Variants in DNAAF11 observed in about 807,000 individuals in gnomAD.
DNAAF11 encodes dynein axonemal assembly factor 11.
A neutral mutation model predicts 60.8 loss-of-function variants in DNAAF11; 45 were observed. The observed-to-expected ratio is 0.74, with a 90% confidence interval of 0.58 to 0.95. The LOEUF is 0.95. Ranked by LOEUF, DNAAF11 falls within the 40% of genes least tolerant of loss-of-function variation. The pLI, the probability that DNAAF11 is intolerant of heterozygous loss-of-function variation, is 0.00. For missense variants in DNAAF11, 546 were observed against 546.2 expected (o/e 1.00, Z 0.00); for synonymous variants, 191 against 183.5 (o/e 1.04, Z -0.33).
intron 4 of DNAAF11, among the ~76,000 whole-genome samples, chr8:132,636,077 T>A (rs1404529377): frequency 1.3e-5 from 2 of 151,900 alleles, no homozygotes; most frequent in Non-Finnish European, 2.9e-5. Flanking sequence ...TAGTTTGCAG[T>A]ACTTTGTTAC....
intron 5 of DNAAF11, among the ~76,000 whole-genome samples, chr8:132,626,600 C>A (rs1425261952): frequency 6.6e-6 from 1 of 152,164 alleles, no homozygotes; most frequent in Non-Finnish European, 1.5e-5. Flanking sequence ...AGATACAACC[C>A]TGGCCTACAT....
chr8:132,603,701 C>T (rs960966321), intron 10 of DNAAF11, among the ~76,000 whole-genome samples: 11 of 151,796 alleles, frequency 7.2e-5, no homozygotes, highest in African/African-American at 2.2e-4. Context: ...AAAAGTTTTG[C>T]AATGAAGTGG....
At chr8:132,597,136 T>C (rs1817092449) in intron 10 of DNAAF11, among the ~76,000 whole-genome samples, 1 of 152,196 alleles carries the variant, frequency 6.6e-6, no homozygotes, top group South Asian at 2.1e-4. Context: ...GAGACATCAC[T>C]TGACCAGTGG....
chr8:132,658,737 T>A (rs544906384), intron 2 of DNAAF11, among the ~76,000 whole-genome samples: 1 of 152,294 alleles, frequency 6.6e-6, no homozygotes, highest in African/African-American at 2.4e-5. Context: ...AAAACAGGAT[T>A]TCCCTTCCCC....
intron 1 of DNAAF11, among the ~76,000 whole-genome samples, chr8:132,667,904 T>C (rs564452080): frequency 6.6e-6 from 1 of 152,316 alleles, no homozygotes; most frequent in Admixed American, 6.5e-5. Context: ...TCTAAAGTTT[T>C]TCATTACATT....
chr8:132,677,978 C>G (rs982387593), upstream of DNAAF11, among the ~76,000 whole-genome samples: 1 of 152,216 alleles, frequency 6.6e-6, no homozygotes, highest in Non-Finnish European at 1.5e-5. Flanking sequence ...GGCTATGCCT[C>G]TTAATACTGC....
chr8:132,572,574 T>C (rs1466199362), intron 11 of DNAAF11, 94 bp from the exon 12 acceptor site: 13 of 871,020 alleles, frequency 1.5e-5, no homozygotes, highest in Non-Finnish European at 2.3e-5. Context: ...TCAGCAAACG[T>C]TGGCAAGTAA....
intron 7 of DNAAF11, among the ~76,000 whole-genome samples, chr8:132,621,383 C>T (rs1459235541): frequency 6.6e-6 from 1 of 152,100 alleles, no homozygotes; most frequent in Non-Finnish European, 1.5e-5. Context: ...GCCAGTGGTG[C>T]ATGACCTGGG....
chr8:132,608,279 G>A lies in DNAAF11; in HGVS notation c.1140+1887C>T, dbSNP rs868025668. Reference sequence around the variant, plus strand: ...TCAATATTACTTTAACATAGTAGTCGAAAATCTTAAAAAATATATCCCTCA... The same window carrying A: ...TCAATATTACTTTAACATAGTAGTCAAAAATCTTAAAAAATATATCCCTCA... On this transcript the variant is annotated intron_variant, in intron 10 of 11. Transcript: ENST00000620350. 106 of 180,638 alleles carry A rather than the reference G, an allele frequency of 5.9e-4. 2 individuals carry two copies. Among genetic ancestry groups the A allele is most frequent in the Middle Eastern group, 2.6e-3 (1 of 384 alleles). 11.2% of individuals were successfully genotyped at this position (180,638 alleles called of 1,614,324 possible).
intron 8 of DNAAF11, among the ~76,000 whole-genome samples, chr8:132,613,797 C>T (rs956021499): frequency 6.6e-6 from 1 of 152,126 alleles, no homozygotes; most frequent in Non-Finnish European, 1.5e-5. Flanking sequence ...GAAAAGTTAC[C>T]CCCTCTTGGG....
intron 1 of DNAAF11, 154 bp from the exon 2 acceptor site, chr8:132,661,781 G>A: frequency 1.4e-6 from 1 of 733,592 alleles, no homozygotes; most frequent in African/African-American, 1.7e-5. Context: ...AGAGAAAATG[G>A]TACCTCCTCC....
chr8:132,624,124 A>G (rs899493829), intron 6 of DNAAF11, among the ~76,000 whole-genome samples: 2 of 152,200 alleles, frequency 1.3e-5, no homozygotes, highest in African/African-American at 4.8e-5. Flanking sequence ...AATATAACAT[A>G]TGTGTGTATG....
At chr8:132,578,361 G>T in intron 11 of DNAAF11, 1 of 1,125,390 alleles carries the variant, frequency 8.9e-7, no homozygotes. Context: ...TGGGGCACTT[G>T]AAGATCACAA....
chr8:132,679,237 T>G (rs931048329), upstream of DNAAF11, among the ~76,000 whole-genome samples: 1 of 152,188 alleles, frequency 6.6e-6, no homozygotes, highest in East Asian at 1.9e-4. Context: ...GTTATTGTTG[T>G]TTGTTTGTTT....
At chr8:132,674,498 T>A (rs1825580983) in intron 1 of DNAAF11, among the ~76,000 whole-genome samples, 1 of 152,182 alleles carries the variant, frequency 6.6e-6, no homozygotes, top group African/African-American at 2.4e-5. Flanking sequence ...AAAACTGCCA[T>A]ATGGGGAGCT....
At chr8:132,574,084 C>T (rs376109070) in intron 11 of DNAAF11, among the ~76,000 whole-genome samples, 8 of 152,336 alleles carry the variant, frequency 5.3e-5, no homozygotes, top group Middle Eastern at 3.4e-3. Context: ...ATCCTGAGCA[C>T]ACCTTCCTCT....
chr8:132,625,307 G>A lies in DNAAF11; in HGVS notation c.801C>T (p.His267=), dbSNP rs1184082932. 2 of 1,604,224 alleles carry A rather than the reference G, an allele frequency of 1.2e-6. No homozygotes were observed. Among genetic ancestry groups the A allele is most frequent in the Admixed American group, 1.7e-5 (1 of 58,208 alleles). Reference sequence around the variant, plus strand: ...CCTGTTTCTTCCGTTGTTTTTCCATGTGTCTAAGAGTTTCCAATCTTGATT... The same window carrying A: ...CCTGTTTCTTCCGTTGTTTTTCCATATGTCTAAGAGTTTCCAATCTTGATT... ...TPESRLETLR[H]MEKQRKKQEK... is the part of the protein sequence containing the mutation. Residue 267 remains histidine, a synonymous_variant, in exon 6 of 12, where the codon CAC becomes CAT. Coordinates refer to ENST00000620350, the MANE Select transcript of DNAAF11 (RefSeq NM_012472.6).
At chr8:132,646,679 G>A (rs1822423957) in intron 3 of DNAAF11, among the ~76,000 whole-genome samples, 1 of 152,112 alleles carries the variant, frequency 6.6e-6, no homozygotes, top group African/African-American at 2.4e-5. Flanking sequence ...AAAACAAAAA[G>A]CAAGGGTTGC....
chr8:132,661,053 T>C (rs1451225076), intron 2 of DNAAF11, among the ~76,000 whole-genome samples: 2 of 152,152 alleles, frequency 1.3e-5, no homozygotes, highest in African/African-American at 2.4e-5. Flanking sequence ...ACAATAAATA[T>C]AGCAAAACTA....
Sources: allele counts gnomAD v4.1 joint callset (sites outside exome capture counted in the v4.1 genomes callset), GRCh38; gene constraint gnomAD v4.1.1; transcripts MANE v1.5; gene names NCBI Gene and HGNC (gene_info 2026-07-23, HGNC 2026-07-21).